Variants in CEP295 observed in about 807,000 individuals in gnomAD.
CEP295 encodes centrosomal protein of 295 kDa.
A neutral mutation model predicts 291.6 loss-of-function variants in CEP295; 190 were observed. That is an observed-to-expected ratio of 0.65 (90% CI 0.58 to 0.73). CEP295 has a LOEUF of 0.73. CEP295 is among the 30% of genes least tolerant of loss of function. CEP295 has a pLI of 0.00. For missense variants in CEP295, 2,863 were observed against 2,949.4 expected, an observed-to-expected ratio of 0.97 and a Z score of 0.68; for synonymous variants, 993 against 1,038.8, an observed-to-expected ratio of 0.96 and a Z score of 0.85.
rs1032854318 is a variant in CEP295 at position 93,699,663 on chromosome 11, G to T, written c.4751G>T (p.Arg1584Ile). The change falls in exon 15 of 30, where the codon AGA becomes ATA. Residue 1584 changes from arginine (R) to isoleucine (I), a missense_variant. Physicochemically the swap from Arg to Ile is moderately conservative, Grantham distance 97 (BLOSUM62 -3). Coordinates refer to ENST00000325212, the MANE Select transcript of CEP295 (RefSeq NM_033395.2). ...CCCTCAAGTCATCGTGAGATTCCAA[G>T]ATTACAGGATAGACTTTTGAGTTTA... is the stretch of plus-strand genomic sequence containing the variant. ...TLPSSHREIP[R>I]LQDRLLSLSK... 1 of 1,551,336 alleles carries T rather than the reference G, an allele frequency of 6.4e-7. No homozygotes were observed. Among genetic ancestry groups the T allele is most frequent in the African/African-American group, 1.4e-5 (1 of 73,038 alleles).
chr11:93,696,439 A>G (rs1462325904), intron 14 of CEP295, 22 bp downstream of exon 14: 4 of 1,392,650 alleles, frequency 2.9e-6, no homozygotes, highest in East Asian at 5.0e-5. Context: ...GGTATAATTT[A>G]TATGTGATCG....
chr11:93,723,318 T>C (rs1953888401), intron 21 of CEP295, 29 bp downstream of exon 21: 2 of 1,407,170 alleles, frequency 1.4e-6, no homozygotes, highest in South Asian at 1.4e-5. Context: ...AATACTTTTA[T>C]GTAAATTAAG....
At chr11:93,723,970 T>A (rs192616754) in intron 21 of CEP295, 144 of 172,888 alleles carry the variant, frequency 8.3e-4, no homozygotes, top group East Asian at 4.3e-3. Flanking sequence ...TAAAAAAAAA[T>A]TTTTTAAATT....
At chr11:93,676,651 G>T (rs1304413312) in intron 6 of CEP295, among the ~76,000 whole-genome samples, 1 of 151,898 alleles carries the variant, frequency 6.6e-6, no homozygotes, top group East Asian at 1.9e-4. Context: ...TCGATATTAT[G>T]ATGTAGGAAC....
chr11:93,668,289 GA>G (rs1418897802), intron 3 of CEP295, among the ~76,000 whole-genome samples: 4 of 152,170 alleles, frequency 2.6e-5, no homozygotes, highest in Admixed American at 6.5e-5. Context: ...TAGTTACAAA[GA>G]AGGTAAATCT....
chr11:93,685,861 C>A (rs1565448194), intron 9 of CEP295, among the ~76,000 whole-genome samples: 1 of 151,992 alleles, frequency 6.6e-6, no homozygotes, highest in Non-Finnish European at 1.5e-5. Context: ...CAGCCACACA[C>A]CACCATGCCT....
Position 93,699,356 on chromosome 11 carries a change from T to C in CEP295, c.4444T>C (p.Leu1482=). The part of the protein sequence containing the change: ...SIEKTQKELV[L]SKPCKFEEKV... ...TGAGAAAACCCAGAAAGAATTGGTTTTGTCAAAACCATGTAAATTTGAGGA... is the reference window on the plus strand; with the variant it reads ...TGAGAAAACCCAGAAAGAATTGGTTCTGTCAAAACCATGTAAATTTGAGGA... The change falls in exon 15 of 30, where the codon TTG becomes CTG. Residue 1482 remains leucine (L), a synonymous_variant. Coordinates refer to ENST00000325212, the MANE Select transcript of CEP295 (RefSeq NM_033395.2). 2 of 1,552,018 alleles carry C rather than the reference T, an allele frequency of 1.3e-6. No individual in the cohort carries two copies. Among genetic ancestry groups the C allele is most frequent in the East Asian group, 4.9e-5 (2 of 40,916 alleles).
At position 93,729,467 on chromosome 11, in the gene CEP295, G is replaced by C. The variant is rs1938059872; in HGVS notation, c.7336G>C (p.Glu2446Gln). ...SEFLPLVSATEASDYPAVSEL... is the reference protein window; with the variant it reads ...SEFLPLVSATQASDYPAVSEL... ...GTTTCTGCCTCTTGTATCAGCAACAGAAGCCTCAGATTATCCAGCTGTATC... is the reference window on the plus strand; with the variant it reads ...GTTTCTGCCTCTTGTATCAGCAACACAAGCCTCAGATTATCCAGCTGTATC... Residue 2446 changes from glutamate (E) to glutamine (Q), a missense_variant, in exon 26 of 30, where the codon GAA becomes CAA. Physicochemically the swap from Glu to Gln is conservative, Grantham distance 29 (BLOSUM62 2). This residue lies in a region of CEP295 where 2,295 missense variants were observed against 2,335.7 expected (regional missense o/e 0.98). Coordinates refer to ENST00000325212, the MANE Select transcript of CEP295 (RefSeq NM_033395.2). The C allele has an allele frequency of 6.4e-7, 1 of 1,551,896 alleles. No individual in the cohort carries two copies. Among genetic ancestry groups the C allele is most frequent in the Non-Finnish European group, 8.7e-7 (1 of 1,146,984 alleles).
Position 93,667,794 on chromosome 11 carries a change from A to C in CEP295, c.296A>C (p.Gln99Pro). Residue 99 changes from glutamine (Q) to proline (P), a missense_variant, in exon 3 of 30, where the codon CAG becomes CCG. Physicochemically the swap from Gln to Pro is moderately conservative, Grantham distance 76. Transcript: ENST00000325212. ...AGAAGTATGGGAGAGGGACATCGAC[A>C]GGCCAAAGAAAATGTGAGTGAGATC... Reference protein sequence around the residue: ...SLRSMGEGHRQAKENEPDLDA... With the variant: ...SLRSMGEGHRPAKENEPDLDA... 1.3e-6 allele frequency: 2 copies of C among 1,548,090 alleles called. No homozygotes were observed. Among genetic ancestry groups the C allele is most frequent in the Non-Finnish European group, 1.7e-6 (2 of 1,145,506 alleles).
At chr11:93,729,336 TGA>T in intron 25 of CEP295, 96 bp from the exon 26 acceptor site, 2 of 775,754 alleles carry the variant, frequency 2.6e-6, no homozygotes, top group Non-Finnish European at 4.4e-6. Flanking sequence ...GAGGCTGCAG[TGA>T]GGTGTGATCA....
In CEP295 at chr11:93,663,976, G is replaced by A. The variant is rs1053653494; in HGVS notation, c.-27+2202G>A. Among the ~76,000 whole-genome samples the A allele has an allele frequency of 2.6e-5, 4 of 152,064 alleles. No homozygotes were observed. The South Asian group carries it at 6.2e-4, about 24-fold the overall frequency. Reference sequence around the variant, plus strand: ...CAGCAAGCTTCTTTGTGCCATCTCCGAGTCAGTAACTTCCAGTAAGGTAAC... The same window carrying A: ...CAGCAAGCTTCTTTGTGCCATCTCCAAGTCAGTAACTTCCAGTAAGGTAAC... On this transcript the variant is annotated intron_variant, in intron 1 of 29. Coordinates refer to ENST00000325212, the MANE Select transcript of CEP295 (RefSeq NM_033395.2).
rs1487265572 is a variant in CEP295 at position 93,698,109 on chromosome 11, A to C, written c.3197A>C (p.Lys1066Thr). 2 of 1,551,970 alleles carry C rather than the reference A, an allele frequency of 1.3e-6. No individual in the cohort carries two copies. The highest frequency in any genetic ancestry group is 8.7e-7 in the Non-Finnish European group (1 of 1,147,018). ...SLKLLQEQLTKQRDTLQARHE... is the reference protein window; with the variant it reads ...SLKLLQEQLTTQRDTLQARHE... ...AAGTTGCTCCAAGAACAGTTGACTAAACAGAGGGATACTCTTCAGGCTAGG... is the reference window on the plus strand; with the variant it reads ...AAGTTGCTCCAAGAACAGTTGACTACACAGAGGGATACTCTTCAGGCTAGG... Residue 1066 changes from lysine (K) to threonine (T), a missense_variant, in exon 15 of 30, where the codon AAA (lysine) becomes ACA (threonine). Physicochemically the swap from Lys to Thr is moderately conservative, Grantham distance 78 (BLOSUM62 -1). Transcript: ENST00000325212.
intron 18 of CEP295, among the ~76,000 whole-genome samples, chr11:93,707,368 T>C (rs531997539): frequency 6.6e-6 from 1 of 152,270 alleles, no homozygotes; most frequent in Admixed American, 6.5e-5. Context: ...AATTTATATA[T>C]GTATATATAT....
chr11:93,684,230 C>A, intron 9 of CEP295, 102 bp downstream of exon 9: 1 of 889,868 alleles, frequency 1.1e-6, no homozygotes, highest in Non-Finnish European at 1.7e-6. Context: ...TAAGTGCAAG[C>A]AATGAGTAAT....
At chr11:93,687,992 C>A (rs572203459) in intron 10 of CEP295, 127 bp downstream of exon 10, 1 of 569,046 alleles carries the variant, frequency 1.8e-6, no homozygotes, top group Non-Finnish European at 2.9e-6. Context: ...TTAAAAGCAA[C>A]AAAGAAACAT....
intron 6 of CEP295, 90 bp downstream of exon 6, chr11:93,675,756 C>A: frequency 1.5e-6 from 1 of 681,546 alleles, no homozygotes; most frequent in Non-Finnish European, 2.4e-6. Context: ...TATGGTGTTC[C>A]CAGATTTCAA....
intron 18 of CEP295, among the ~76,000 whole-genome samples, chr11:93,710,550 A>G (rs1306518694): frequency 6.6e-6 from 1 of 152,144 alleles, no homozygotes; most frequent in Non-Finnish European, 1.5e-5. Context: ...ATCAGTATTC[A>G]TCAGAGATAT....
Position 93,702,918 on chromosome 11 carries a change from A to G in CEP295, c.5595A>G (p.Leu1865=), listed in dbSNP as rs1952262563. 11 of 1,529,072 alleles carry G rather than the reference A, an allele frequency of 7.2e-6. No individual in the cohort carries two copies. Among genetic ancestry groups the G allele is most frequent in the Non-Finnish European group, 9.6e-6 (11 of 1,140,300 alleles). The allele number at this position is 1,529,072 out of a possible 1,614,324, so 94.7% of individuals were successfully genotyped here. A position where few individuals can be genotyped will look rare whatever the true frequency, so the allele number is the denominator to read the frequency against. The part of the protein sequence containing the change: ...ESPAIGRTSI[L]GKPGIYEDRD... ...CAGCAATTGGCAGAACTTCTATACT[A>G]GGTAAATAGATGCTTTGATAAAACA... The change falls in exon 17 of 30, where the codon CTA becomes CTG. Residue 1865 remains leucine (L), a splice_region_variant and synonymous_variant. Coordinates refer to ENST00000325212, the MANE Select transcript of CEP295 (RefSeq NM_033395.2).
intron 12 of CEP295, among the ~76,000 whole-genome samples, chr11:93,694,173 C>G (rs1013436869): frequency 6.6e-6 from 1 of 152,194 alleles, no homozygotes; most frequent in Non-Finnish European, 1.5e-5. Context: ...TTCATTATCT[C>G]TAGTAGAAGT....
Sources: gnomAD v4.1 joint callset for allele counts (sites outside exome capture counted in the v4.1 genomes callset) on GRCh38, gnomAD v4.1.1 for gene constraint, gnomAD v4.1.1 regional missense constraint, MANE v1.5 for transcripts, NCBI Gene and HGNC (gene_info 2026-07-23, HGNC 2026-07-21) for gene names.